EPHA10: variants seen among roughly 807,000 people sequenced by gnomAD.
The protein encoded by EPHA10 is EPH receptor A10, also known as ephrin type-A receptor 10.
EPHA10 carries 120 observed loss-of-function variants against 109.7 expected under a neutral mutation model. The ratio of observed to expected loss-of-function variants is 1.09; its 90% CI spans 0.94 to 1.27. The LOEUF (loss-of-function observed/expected upper bound fraction) is 1.27, where lower values mean the gene tolerates loss of function less well. Among genes scored for constraint, EPHA10 ranks in the 50% most tolerant of loss-of-function variants. EPHA10 has a pLI of 0.00. For synonymous variants in EPHA10, 640 were observed against 618.9 expected (o/e 1.03, Z -0.51); for missense variants, 1,396 against 1,411.1 (o/e 0.99, Z 0.17).
chr1:37,737,768 A>G (rs1646091521), intron 5 of EPHA10, among the ~76,000 whole-genome samples: 2 of 152,222 alleles, frequency 1.3e-5, no homozygotes, highest in African/African-American at 4.8e-5. Context: ...ATGAGACTAC[A>G]TCAAACTTTA....
intron 5 of EPHA10, among the ~76,000 whole-genome samples, chr1:37,751,217 AGAAAGAAAG>A (rs1646319306): frequency 1.7e-5 from 2 of 118,942 alleles, no homozygotes; most frequent in African/African-American, 3.1e-5. Flanking sequence ...AAAAAAAAAA[AGAAAGAAAG>A]AAAGAAAAAG....
Position 37,718,385 on chromosome 1 carries a change from C to G in EPHA10, c.3014G>C (p.Gly1005Ala), listed in dbSNP as rs768964292. Reference sequence around the variant, plus strand: ...AATGGGGTCCACTCACACCTGCACCCCCTGGCCCTGCAGCTGGAGCACTCG... The same window carrying G: ...AATGGGGTCCACTCACACCTGCACCGCCTGGCCCTGCAGCTGGAGCACTCG... ...QARVLQLQGQ[G>A]VQV Residue 1005 changes from glycine to alanine, a missense_variant, in exon 17 of 17, where the codon GGG becomes GCG. Transcript: ENST00000373048. 1 of 1,610,146 alleles carries G rather than the reference C, an allele frequency of 6.2e-7. No homozygotes were observed. Among genetic ancestry groups the G allele is most frequent in the Non-Finnish European group, 8.5e-7 (1 of 1,178,262 alleles).
In EPHA10 at chr1:37,718,358, A is replaced by G. The variant is rs745910564; in HGVS notation, c.*14T>C. On this transcript the variant is annotated 3_prime_UTR_variant, in exon 17 of 17. Coordinates refer to ENST00000373048, the MANE Select transcript of EPHA10 (RefSeq NM_001099439.2). Reference sequence around the variant, plus strand: ...ACCCCCACCGGAGTCCTGCCTTGGAAGAATGGGGTCCACTCACACCTGCAC... The same window carrying G: ...ACCCCCACCGGAGTCCTGCCTTGGAGGAATGGGGTCCACTCACACCTGCAC... 1 of 1,585,600 alleles carries G rather than the reference A, an allele frequency of 6.3e-7. No individual in the cohort carries two copies. Among genetic ancestry groups the G allele is most frequent in the Non-Finnish European group, 8.6e-7 (1 of 1,164,426 alleles).
chr1:37,741,413 G>A (rs1416081642), intron 5 of EPHA10, among the ~76,000 whole-genome samples: 1 of 152,180 alleles, frequency 6.6e-6, no homozygotes, highest in East Asian at 1.9e-4. Flanking sequence ...GGAGTAGGTG[G>A]CTCAGGCTCT....
intron 8 of EPHA10, among the ~76,000 whole-genome samples, chr1:37,724,774 G>A (rs1645859670): frequency 6.6e-6 from 1 of 152,196 alleles, no homozygotes; most frequent in South Asian, 2.1e-4. Flanking sequence ...TTGACAGCCT[G>A]GGCTCGGAAC....
chr1:37,735,089 A>G (rs1646046817), intron 6 of EPHA10, among the ~76,000 whole-genome samples, 168 bp downstream of exon 6: 1 of 152,072 alleles, frequency 6.6e-6, no homozygotes, highest in Admixed American at 6.6e-5. Context: ...GAAGAGCAGG[A>G]GTCCGGGGGA....
At chr1:37,747,845 T>C (rs1167464890) in intron 5 of EPHA10, among the ~76,000 whole-genome samples, 2 of 152,154 alleles carry the variant, frequency 1.3e-5, no homozygotes, top group East Asian at 3.8e-4. Flanking sequence ...CAAGAGCTGA[T>C]TCTGTGTCAT....
At position 37,721,727 on chromosome 1, in the gene EPHA10, G is replaced by C. The variant is rs113277593; in HGVS notation, c.2079C>G (p.Ala693=). 6 of 1,612,380 alleles carry C rather than the reference G, an allele frequency of 3.7e-6. No homozygotes were observed. The highest frequency in any genetic ancestry group is 5.1e-6 in the Non-Finnish European group (6 of 1,179,820). The part of the protein sequence containing the change: ...ASDSQRLGFL[A]EALTLGQFDH... ...CAAACTGGCCCAGCGTGAGGGCCTC[G>C]GCCAGGAAGCCGAGCCTCTGTGAGT... Residue 693 remains alanine (A), a synonymous_variant, in exon 11 of 17, where the codon GCC becomes GCG. Transcript: ENST00000373048.
chr1:37,724,166 G>A (rs950618449), intron 8 of EPHA10, among the ~76,000 whole-genome samples: 3 of 152,212 alleles, frequency 2.0e-5, no homozygotes, highest in African/African-American at 7.2e-5. Context: ...ATGGAGAGAG[G>A]CAGAGGACTC....
Position 37,718,076 on chromosome 1 carries a change from C to G in EPHA10, c.*296G>C. The G allele has an allele frequency of 2.3e-6, 1 of 438,158 alleles. No individual in the cohort carries two copies. The highest frequency in any genetic ancestry group is 3.9e-5 in the East Asian group (1 of 25,424). 27.1% of individuals were successfully genotyped at this position (438,158 alleles called of 1,614,324 possible). ...TCAACCCACTGTCTTCCCTCCCATC[C>G]CTGCCCCAGCTTTTCTCTGAGACCC... On this transcript the variant is annotated 3_prime_UTR_variant, in exon 17 of 17. Coordinates refer to ENST00000373048, the MANE Select transcript of EPHA10 (RefSeq NM_001099439.2).
chr1:37,716,248 A>C lies in EPHA10; in HGVS notation c.*2124T>G. 1 of 292,570 alleles carries C rather than the reference A, an allele frequency of 3.4e-6. No individual in the cohort carries two copies. Among genetic ancestry groups the C allele is most frequent in the South Asian group, 5.6e-5 (1 of 17,772 alleles). The allele number at this position is 292,570 out of a possible 1,614,324, so 18.1% of individuals were successfully genotyped here. On this transcript the variant is annotated 3_prime_UTR_variant, in exon 17 of 17. Transcript: ENST00000373048. ...GGGACCTCACTCCTCAGTGGAGGGG[A>C]GATCTACCCTGGACACCGAAGTCCT...
rs554585925 is a variant in EPHA10, at chr1:37,748,414, A to C, written c.1357+4462T>G. On this transcript the variant is annotated intron_variant, in intron 5 of 16. Coordinates refer to ENST00000373048, the MANE Select transcript of EPHA10 (RefSeq NM_001099439.2). ...CTCCAAAAATGGCATAGAACCCAGA[A>C]AGTTTCCCAGGCAGTTTTTTATGCC... Among the ~76,000 whole-genome samples the C allele has an allele frequency of 2.6e-4, 40 of 152,304 alleles. 1 individual carries two copies. The highest frequency in any genetic ancestry group is 9.6e-4 in the African/African-American group (40 of 41,562).
Position 37,765,067 on chromosome 1 carries a change from G to A in EPHA10, c.-1C>T, listed in dbSNP as rs1557562725. On this transcript the variant is annotated 5_prime_UTR_variant, in exon 1 of 17. Transcript: ENST00000373048. Reference sequence around the variant, plus strand: ...GGTGTGGACCGGCGCAGGTCTCCATGGTCCGCAGACCGAGCTGTCAGTCCG... The same window carrying A: ...GGTGTGGACCGGCGCAGGTCTCCATAGTCCGCAGACCGAGCTGTCAGTCCG... 1 of 1,593,916 alleles carries A rather than the reference G, an allele frequency of 6.3e-7. No individual in the cohort carries two copies. The highest frequency in any genetic ancestry group is 8.5e-7 in the Non-Finnish European group (1 of 1,173,428).
chr1:37,719,956 C>G lies in EPHA10; in HGVS notation c.2515G>C (p.Val839Leu). The G allele has an allele frequency of 6.2e-7, 1 of 1,614,112 alleles. No homozygotes were observed. The highest frequency in any genetic ancestry group is 2.2e-5 in the East Asian group (1 of 44,880). The change falls in exon 14 of 17, where the codon GTG becomes CTG. Residue 839 changes from valine to leucine, a missense_variant. Physicochemically the swap from Val to Leu is conservative, Grantham distance 32 (BLOSUM62 1). Transcript: ENST00000373048. Reference sequence around the variant, plus strand: ...TAAGGCCGCTCCCCAAAGGCCATCACCTCCCACATGATGATGCCGAAGCTC... The same window carrying G: ...TAAGGCCGCTCCCCAAAGGCCATCAGCTCCCACATGATGATGCCGAAGCTC... Reference protein sequence around the residue: ...VWSFGIIMWEVMAFGERPYWD... With the variant: ...VWSFGIIMWELMAFGERPYWD...
At chr1:37,740,928 A>G (rs964830911) in intron 5 of EPHA10, among the ~76,000 whole-genome samples, 1 of 152,206 alleles carries the variant, frequency 6.6e-6, no homozygotes, top group African/African-American at 2.4e-5. Context: ...AATAAGCCTG[A>G]GACACGCCAA....
chr1:37,735,537 G>A (rs1429810888), intron 5 of EPHA10, 147 bp from the exon 6 acceptor site: 2 of 944,746 alleles, frequency 2.1e-6, no homozygotes, highest in South Asian at 1.7e-5. Flanking sequence ...CGGGGCTAGG[G>A]AACTGACTGA....
chr1:37,718,820 C>A lies in EPHA10; in HGVS notation c.2757-4G>T, dbSNP rs532124320. ...GTCCGCTAGTGGGGTGGGAGGCCTG[C>A]GGGTCAGAGGAGCTGTGCTCAACCG... On this transcript the variant is annotated splice_region_variant and splice_polypyrimidine_tract_variant and intron_variant, in intron 15 of 16. Coordinates refer to ENST00000373048, the MANE Select transcript of EPHA10 (RefSeq NM_001099439.2). The A allele has an allele frequency of 3.1e-6, 5 of 1,607,116 alleles. No homozygotes were observed. The South Asian group carries it at 4.4e-5, about 14-fold the overall frequency.
Position 37,757,278 on chromosome 1 carries a change from G to A in EPHA10, c.851-2908C>T, listed in dbSNP as rs140220707. Among the ~76,000 whole-genome samples the A allele has an allele frequency of 3.2e-3, 489 of 152,242 alleles. 2 individuals are homozygous for A. The highest frequency in any genetic ancestry group is 0.019 in the East Asian group (101 of 5,186). On this transcript the variant is annotated intron_variant, in intron 3 of 16. Coordinates refer to ENST00000373048, the MANE Select transcript of EPHA10 (RefSeq NM_001099439.2). ...ACAAAAAGGGGAAAAGAACATATTC[G>A]TTCTATTCCCCCACTTATCCATCTA... is the stretch of plus-strand genomic sequence containing the variant.
chr1:37,723,019 G>C, intron 10 of EPHA10, 22 bp downstream of exon 10: 1 of 1,613,896 alleles, frequency 6.2e-7, no homozygotes. Flanking sequence ...TGGGGACAAG[G>C]CTTCCTGGGC....
Sources: allele counts gnomAD v4.1 joint callset (sites outside exome capture counted in the v4.1 genomes callset), GRCh38; gene constraint gnomAD v4.1.1; transcripts MANE v1.5; gene names NCBI Gene and HGNC (gene_info 2026-07-23, HGNC 2026-07-21).